NTN4: variants seen among roughly 807,000 people sequenced by gnomAD.
The protein encoded by NTN4 is netrin 4.
Under a neutral mutation model 73.6 loss-of-function variants are expected in NTN4, and 32 were observed. The ratio of observed to expected loss-of-function variants is 0.44; its 90% confidence interval spans 0.33 to 0.58. NTN4 has a LOEUF of 0.58. Among genes scored for constraint, NTN4 ranks in the 20% least tolerant of loss-of-function variants. The probability of loss-of-function intolerance (pLI) is 0.04; values close to 1 mark genes in which losing one functional copy is unlikely to be tolerated. For synonymous variants in NTN4, 258 were observed against 287.5 expected (o/e 0.90, Z 1.04); for missense variants, 654 against 798.3 (o/e 0.82, Z 2.18).
At chr12:95,704,111 T>G (rs2431010) in intron 5 of NTN4, among the ~76,000 whole-genome samples, 1 of 151,854 alleles carries the variant, frequency 6.6e-6, no homozygotes, top group African/African-American at 2.4e-5. Flanking sequence ...ACCTTTAATA[T>G]GATTCAATAG....
rs368348352 is a variant in NTN4 at position 95,716,096 on chromosome 12, C to T, written c.865-2758G>A. On this transcript the variant is annotated intron_variant, in intron 3 of 9. Transcript: ENST00000343702. ...CCTACATGTCAAAAAAAAAAAACAC[C>T]CACACACAAAAAAGCAAAACATACA... Among the ~76,000 whole-genome samples the T allele has an allele frequency of 1.1e-4, 17 of 150,448 alleles. 1 individual carries two copies. The highest frequency in any genetic ancestry group is 4.2e-4 in the African/African-American group (17 of 40,828).
intron 5 of NTN4, among the ~76,000 whole-genome samples, chr12:95,704,477 T>G (rs960872567): frequency 6.6e-6 from 1 of 152,158 alleles, no homozygotes; most frequent in African/African-American, 2.4e-5. Flanking sequence ...ATATGTTAAC[T>G]TATTTGTCAT....
At chr12:95,785,139 G>A (rs1424476597) in intron 2 of NTN4, among the ~76,000 whole-genome samples, 1 of 151,818 alleles carries the variant, frequency 6.6e-6, no homozygotes, top group Non-Finnish European at 1.5e-5. Flanking sequence ...AATAATTGCT[G>A]GACTGTGGCA....
intron 3 of NTN4, among the ~76,000 whole-genome samples, chr12:95,727,961 AT>A (rs915392187): frequency 2.0e-5 from 3 of 152,114 alleles, no homozygotes; most frequent in African/African-American, 7.2e-5. Context: ...TTACTTAGGT[AT>A]TCTTTAATTT....
At chr12:95,773,300 G>T (rs2079070376) in intron 2 of NTN4, among the ~76,000 whole-genome samples, 1 of 152,130 alleles carries the variant, frequency 6.6e-6, no homozygotes, top group Admixed American at 6.6e-5. Flanking sequence ...CACCATGCCT[G>T]GCCTCCAATG....
intron 7 of NTN4, 47 bp downstream of exon 7, chr12:95,682,660 C>T (rs370670541): frequency 4.8e-5 from 64 of 1,330,820 alleles, no homozygotes; most frequent in Admixed American, 3.4e-5. Flanking sequence ...ATCACTGTTA[C>T]ATAAGACCAG....
At chr12:95,749,669 C>G (rs983943923) in intron 2 of NTN4, among the ~76,000 whole-genome samples, 1 of 152,220 alleles carries the variant, frequency 6.6e-6, no homozygotes, top group Non-Finnish European at 1.5e-5. Flanking sequence ...TATACACCCA[C>G]GTTTCAAAGG....
At chr12:95,754,946 G>A (rs777745702) in intron 2 of NTN4, among the ~76,000 whole-genome samples, 1 of 152,152 alleles carries the variant, frequency 6.6e-6, no homozygotes, top group Admixed American at 6.5e-5. Flanking sequence ...TTTACAAACA[G>A]CATCTGGTTA....
chr12:95,778,038 GA>G (rs1216634193), intron 2 of NTN4, among the ~76,000 whole-genome samples: 3 of 152,108 alleles, frequency 2.0e-5, no homozygotes, highest in African/African-American at 4.8e-5. Flanking sequence ...CATGGAAACT[GA>G]ACAACCTGTT....
intron 2 of NTN4, among the ~76,000 whole-genome samples, chr12:95,750,161 C>T (rs1314432863): frequency 6.6e-6 from 1 of 150,928 alleles, no homozygotes; most frequent in Admixed American, 6.6e-5. Flanking sequence ...ATTTCTGTGC[C>T]CCGACCCCTT....
intron 2 of NTN4, among the ~76,000 whole-genome samples, chr12:95,749,119 C>T (rs2078884460): frequency 6.6e-6 from 1 of 152,154 alleles, no homozygotes; most frequent in South Asian, 2.1e-4. Context: ...CCCCCTTTGA[C>T]TGTAATTTTC....
At chr12:95,677,447 C>T (rs931296050) in intron 7 of NTN4, among the ~76,000 whole-genome samples, 2 of 151,644 alleles carry the variant, frequency 1.3e-5, no homozygotes, top group East Asian at 1.9e-4. Context: ...AGAAAAAAAA[C>T]GTAGTGGGTA....
chr12:95,709,635 G>C (rs1334316833), intron 5 of NTN4, among the ~76,000 whole-genome samples: 5 of 149,490 alleles, frequency 3.3e-5, no homozygotes, highest in Non-Finnish European at 7.4e-5. Flanking sequence ...CTGGATTCAA[G>C]CCATCCTCCC....
At chr12:95,677,734 G>T (rs2078283670) in intron 7 of NTN4, among the ~76,000 whole-genome samples, 1 of 152,216 alleles carries the variant, frequency 6.6e-6, no homozygotes, top group Non-Finnish European at 1.5e-5. Context: ...TTACACTGTT[G>T]GCAGGAGTGT....
At chr12:95,724,458 G>A (rs2078675931) in intron 3 of NTN4, among the ~76,000 whole-genome samples, 1 of 152,176 alleles carries the variant, frequency 6.6e-6, no homozygotes, top group African/African-American at 2.4e-5. Context: ...GCTGGTGTAT[G>A]GGCTTAACTT....
At chr12:95,661,935 T>A (rs532956064) in intron 9 of NTN4, among the ~76,000 whole-genome samples, 1 of 152,290 alleles carries the variant, frequency 6.6e-6, no homozygotes, top group East Asian at 1.9e-4. Context: ...AGAGGACATT[T>A]TGGGATCAGT....
chr12:95,780,196 C>T (rs2079122343), intron 2 of NTN4, among the ~76,000 whole-genome samples: 1 of 151,964 alleles, frequency 6.6e-6, no homozygotes, highest in South Asian at 2.1e-4. Flanking sequence ...CCATAAAAAC[C>T]CTAGAAGAAA....
At chr12:95,775,082 C>T (rs965450690) in intron 2 of NTN4, among the ~76,000 whole-genome samples, 3 of 152,182 alleles carry the variant, frequency 2.0e-5, no homozygotes, top group African/African-American at 7.2e-5. Flanking sequence ...ATTTAGATTC[C>T]TTTTCAAATG....
intron 3 of NTN4, among the ~76,000 whole-genome samples, chr12:95,717,369 C>T (rs966502556): frequency 2.0e-5 from 3 of 152,094 alleles, no homozygotes; most frequent in African/African-American, 7.2e-5. Flanking sequence ...TAATGTTGGA[C>T]AAGTCAATTC....
Sources: allele counts gnomAD v4.1 joint callset (sites outside exome capture counted in the v4.1 genomes callset), GRCh38; gene constraint gnomAD v4.1.1; transcripts MANE v1.5; gene names NCBI Gene and HGNC (gene_info 2026-07-23, HGNC 2026-07-21).